LYPD6B: variants seen among roughly 807,000 people sequenced by gnomAD.
LYPD6B encodes LY6/PLAUR domain containing 6B.
Under a neutral mutation model 22.8 loss-of-function variants are expected in LYPD6B, and 17 were observed. The ratio of observed to expected loss-of-function variants is 0.75; its 90% CI spans 0.51 to 1.12. LYPD6B has a LOEUF of 1.12. Among genes scored for constraint, LYPD6B ranks in the 50% most tolerant of loss-of-function variants. The pLI, the probability that LYPD6B is intolerant of heterozygous loss-of-function variation, is 0.00. For missense variants in LYPD6B, 221 were observed against 258.3 expected (o/e 0.86, Z 0.99); for synonymous variants, 106 against 91.6 (o/e 1.16, Z -0.90).
intron 2 of LYPD6B, among the ~76,000 whole-genome samples, chr2:149,150,116 TC>T (rs541859851): frequency 8.0e-4 from 122 of 152,326 alleles, no homozygotes; most frequent in Admixed American, 2.4e-3. Flanking sequence ...GTATATCTTC[TC>T]ACTGTACCTA....
intron 1 of LYPD6B, among the ~76,000 whole-genome samples, chr2:149,090,515 T>C (rs969653764): frequency 6.6e-6 from 1 of 152,194 alleles, no homozygotes; most frequent in East Asian, 1.9e-4. Flanking sequence ...ATGATCTTTA[T>C]TAATATTGTC....
intron 1 of LYPD6B, among the ~76,000 whole-genome samples, chr2:149,122,201 G>A (rs528942958): frequency 1.3e-5 from 2 of 152,016 alleles, no homozygotes; most frequent in Non-Finnish European, 2.9e-5. Context: ...GGGAGCTCCC[G>A]AAAGAGCACT....
chr2:149,094,721 C>T (rs1355695399), intron 1 of LYPD6B, among the ~76,000 whole-genome samples: 1 of 152,136 alleles, frequency 6.6e-6, no homozygotes, highest in African/African-American at 2.4e-5. Flanking sequence ...CATTAGCATT[C>T]CCAAATTTCA....
At chr2:149,146,202 A>G (rs764099830) in intron 2 of LYPD6B, among the ~76,000 whole-genome samples, 8 of 152,248 alleles carry the variant, frequency 5.3e-5, no homozygotes, top group African/African-American at 1.9e-4. Flanking sequence ...AATTGCAATG[A>G]CGTGGCGTGC....
chr2:149,140,717 G>T (rs1344984341), intron 2 of LYPD6B, among the ~76,000 whole-genome samples: 1 of 152,294 alleles, frequency 6.6e-6, no homozygotes, highest in East Asian at 1.9e-4. Flanking sequence ...TTATGATTGG[G>T]TCACCAAGGA....
At chr2:149,127,994 A>AT (rs5835281) in intron 1 of LYPD6B, among the ~76,000 whole-genome samples, 67 of 151,006 alleles carry the variant, frequency 4.4e-4, no homozygotes, top group African/African-American at 6.8e-4. Context: ...GTAAATGATG[A>AT]TTTTTTTTTT....
At chr2:149,115,848 T>C (rs1172218006) in intron 1 of LYPD6B, among the ~76,000 whole-genome samples, 1 of 152,228 alleles carries the variant, frequency 6.6e-6, no homozygotes, top group Non-Finnish European at 1.5e-5. Context: ...ATTCCAGAAA[T>C]AAACAATTTA....
intron 3 of LYPD6B, among the ~76,000 whole-genome samples, chr2:149,164,900 C>T (rs1166447549): frequency 3.3e-5 from 5 of 152,192 alleles, no homozygotes; most frequent in African/African-American, 1.2e-4. Context: ...TTATCTATTG[C>T]ACAACAAACC....
chr2:149,138,576 C>A (rs181559625), intron 2 of LYPD6B, among the ~76,000 whole-genome samples: 1 of 152,292 alleles, frequency 6.6e-6, no homozygotes, highest in African/African-American at 2.4e-5. Flanking sequence ...GGGTCTTGCT[C>A]TGTCACCCAG....
intron 3 of LYPD6B, among the ~76,000 whole-genome samples, chr2:149,202,335 T>C (rs1575172268): frequency 6.6e-6 from 1 of 152,146 alleles, no homozygotes; most frequent in African/African-American, 2.4e-5. Flanking sequence ...GACTGTCCAG[T>C]CCCCTCCTTC....
chr2:149,187,765 A>G (rs546268337), intron 3 of LYPD6B: 67 of 409,668 alleles, frequency 1.6e-4, no homozygotes, highest in African/African-American at 1.3e-3. Flanking sequence ...AGAAAATCTC[A>G]AAATGTTTTA....
intron 1 of LYPD6B, among the ~76,000 whole-genome samples, chr2:149,127,735 A>G (rs1282438436): frequency 6.6e-6 from 1 of 152,172 alleles, no homozygotes; most frequent in African/African-American, 2.4e-5. Context: ...ACCTTGCAGA[A>G]TATGTGCTAG....
chr2:149,158,900 G>A (rs1454489633), intron 2 of LYPD6B, among the ~76,000 whole-genome samples: 2 of 152,182 alleles, frequency 1.3e-5, no homozygotes, highest in Non-Finnish European at 2.9e-5. Context: ...TGCCAGGACT[G>A]TAGTCTCAGA....
intron 3 of LYPD6B, among the ~76,000 whole-genome samples, chr2:149,188,895 C>G (rs1255694007): frequency 6.6e-6 from 1 of 152,104 alleles, no homozygotes; most frequent in Admixed American, 6.5e-5. Context: ...AATGAGGAAA[C>G]TGAGGCACTG....
Position 149,100,650 on chromosome 2 carries a change from G to T in LYPD6B, c.-66-30233G>T, listed in dbSNP as rs1024377835. On this transcript the variant is annotated intron_variant, in intron 1 of 6. Coordinates refer to ENST00000409642, the MANE Select transcript of LYPD6B (RefSeq NM_177964.5). The stretch of plus-strand genomic sequence containing the variant: ...ATGCTCCTGTGCTTGGACAAGGTTA[G>T]TTCCTTCTCATCAATCCCTTCAACT... 1.3e-5 allele frequency among the ~76,000 whole-genome samples: 2 copies of T among 152,130 alleles called. 1 individual carries two copies. Among genetic ancestry groups the T allele is most frequent in the South Asian group, 4.1e-4 (2 of 4,828 alleles).
rs774021615 is a variant in LYPD6B, at chr2:149,214,598, A to G, written c.512A>G (p.Asn171Ser). The change falls in exon 7 of 7, where the codon AAT (asparagine) becomes AGT (serine). Residue 171 changes from asparagine (N) to serine (S), a missense_variant. Coordinates refer to ENST00000409642, the MANE Select transcript of LYPD6B (RefSeq NM_177964.5). ...ATCTGCAATGTAGAATTACCCACCA[A>G]TCACACTAATGCAGTGTTTGCCGTA... ...GMICNVELPT[N>S]HTNAVFAVMH... 63 of 1,613,780 alleles carry G rather than the reference A, an allele frequency of 3.9e-5. No individual in the cohort carries two copies. The Admixed American group carries it at 1.0e-3, about 26-fold the overall frequency.
intron 4 of LYPD6B, among the ~76,000 whole-genome samples, chr2:149,205,847 C>T (rs148885574): frequency 1.1e-3 from 169 of 152,188 alleles, no homozygotes; most frequent in African/African-American, 3.9e-3. Flanking sequence ...TCATTACTAC[C>T]GCGCGTAATC....
chr2:149,149,943 C>A (rs368031648), intron 2 of LYPD6B, among the ~76,000 whole-genome samples: 1 of 152,160 alleles, frequency 6.6e-6, no homozygotes, highest in African/African-American at 2.4e-5. Context: ...AAATAACATG[C>A]GTATACCACT....
At chr2:149,092,692 A>T (rs1325323062) in intron 1 of LYPD6B, among the ~76,000 whole-genome samples, 2 of 152,122 alleles carry the variant, frequency 1.3e-5, no homozygotes, top group African/African-American at 4.8e-5. Flanking sequence ...AGAGAGAAAA[A>T]ACAAGCCCTT....
Sources: allele counts gnomAD v4.1 joint callset (sites outside exome capture counted in the v4.1 genomes callset), GRCh38; gene constraint gnomAD v4.1.1; transcripts MANE v1.5; gene names NCBI Gene and HGNC (gene_info 2026-07-23, HGNC 2026-07-21).